The following CTNNA1 variants were observed in gnomAD, a reference collection of about 807,000 sequenced individuals.
CTNNA1 encodes the protein catenin alpha 1.
In CTNNA1, 37 loss-of-function variants were observed where a neutral mutation model predicts 98.4. That is an observed-to-expected ratio of 0.38 (90% CI 0.29 to 0.49). The LOEUF is 0.49. Among genes scored for constraint, CTNNA1 ranks in the 20% least tolerant of loss-of-function variants. CTNNA1 has a pLI of 0.95. For synonymous variants in CTNNA1, 404 were observed against 413.2 expected (o/e 0.98, Z 0.27); for missense variants, 761 against 1,147.2 (o/e 0.66, Z 4.86).
intron 7 of CTNNA1, among the ~76,000 whole-genome samples, chr5:138,832,770 T>C (rs1284019453): frequency 6.6e-6 from 1 of 152,226 alleles, no homozygotes; most frequent in African/African-American, 2.4e-5. Flanking sequence ...GGTTTCAGAC[T>C]ATTAAGTTAA....
intron 4 of CTNNA1, among the ~76,000 whole-genome samples, chr5:138,811,434 T>TGA (rs1758774353): frequency 1.2e-5 from 1 of 83,442 alleles, no homozygotes; most frequent in Non-Finnish European, 2.5e-5. Flanking sequence ...CTTTCCAGAC[T>TGA]GGGCAGCCAG....
intron 9 of CTNNA1, among the ~76,000 whole-genome samples, chr5:138,892,105 C>T (rs1256104738): frequency 2.6e-5 from 4 of 152,134 alleles, no homozygotes; most frequent in Admixed American, 1.3e-4. Flanking sequence ...ATTGATGTCT[C>T]ATGATTCCCT....
intron 3 of CTNNA1, among the ~76,000 whole-genome samples, chr5:138,784,610 TC>T (rs1237366023): frequency 1.3e-5 from 2 of 152,354 alleles, no homozygotes; most frequent in Non-Finnish European, 2.9e-5. Context: ...TCCTAGGGCT[TC>T]TATAACATAA....
At chr5:138,843,986 A>G (rs1455800499) in intron 7 of CTNNA1, among the ~76,000 whole-genome samples, 1 of 152,132 alleles carries the variant, frequency 6.6e-6, no homozygotes, top group Non-Finnish European at 1.5e-5. Flanking sequence ...ATCATTGCCT[A>G]TTCATCTAGG....
chr5:138,810,958 C>T (rs1581110288), intron 4 of CTNNA1, among the ~76,000 whole-genome samples: 2 of 141,558 alleles, frequency 1.4e-5, no homozygotes, highest in Non-Finnish European at 1.6e-5. Context: ...GGCAGCTGGC[C>T]GGGCAGGGGG....
chr5:138,906,487 A>G (rs1181482614), intron 10 of CTNNA1, among the ~76,000 whole-genome samples: 2 of 152,198 alleles, frequency 1.3e-5, no homozygotes, highest in Non-Finnish European at 2.9e-5. Flanking sequence ...ATCTGTGGAA[A>G]CAGATGGTAG....
At chr5:138,849,873 G>C (rs779934151) in intron 7 of CTNNA1, among the ~76,000 whole-genome samples, 17 of 151,894 alleles carry the variant, frequency 1.1e-4, no homozygotes, top group Non-Finnish European at 2.2e-4. Context: ...TGGCTTAAAG[G>C]GGTCTAAAAG....
At chr5:138,861,845 A>C (rs1413391695) in intron 7 of CTNNA1, among the ~76,000 whole-genome samples, 1 of 152,200 alleles carries the variant, frequency 6.6e-6, no homozygotes, top group Non-Finnish European at 1.5e-5. Flanking sequence ...TGTAATTTCC[A>C]AATCGTGTAG....
At chr5:138,894,647 A>ATTC (rs1756348428) in intron 9 of CTNNA1, among the ~76,000 whole-genome samples, 1 of 127,374 alleles carries the variant, frequency 7.9e-6, no homozygotes, top group African/African-American at 3.4e-5. Flanking sequence ...CCTCCTGATT[A>ATTC]TGATTATGAT....
intron 4 of CTNNA1, among the ~76,000 whole-genome samples, chr5:138,810,766 G>A (rs1053353440): frequency 2.6e-5 from 4 of 151,926 alleles, no homozygotes; most frequent in African/African-American, 9.7e-5. Flanking sequence ...CCACAAAACC[G>A]CCATTGTCAT....
At chr5:138,782,159 G>A in intron 2 of CTNNA1, 130 bp downstream of exon 2, 1 of 887,394 alleles carries the variant, frequency 1.1e-6, no homozygotes, top group Non-Finnish European at 1.7e-6. Context: ...ACAGTTCTTA[G>A]ATGATTTGAA....
chr5:138,827,939 G>A (rs988746365), intron 7 of CTNNA1: 3 of 546,686 alleles, frequency 5.5e-6, no homozygotes, highest in Non-Finnish European at 9.8e-6. Context: ...ATCATACAGT[G>A]AATACCTAGG....
At chr5:138,797,189 T>C (rs186358856) in intron 3 of CTNNA1, among the ~76,000 whole-genome samples, 18 of 152,334 alleles carry the variant, frequency 1.2e-4, no homozygotes, top group African/African-American at 3.8e-4. Flanking sequence ...TTTATTATCA[T>C]ACACACAAAC....
At chr5:138,840,614 A>AAG (rs990298454) in intron 7 of CTNNA1, among the ~76,000 whole-genome samples, 1 of 152,214 alleles carries the variant, frequency 6.6e-6, no homozygotes, top group African/African-American at 2.4e-5. Flanking sequence ...AAATGTAGCC[A>AAG]ATTAATAGTT....
intron 3 of CTNNA1, among the ~76,000 whole-genome samples, chr5:138,805,809 A>G (rs1003379270): frequency 1.3e-5 from 2 of 151,306 alleles, no homozygotes; most frequent in East Asian, 3.9e-4. Context: ...CTAGATCCTT[A>G]TAATTTGCAG....
At chr5:138,772,630 C>A (rs1315787416) in intron 1 of CTNNA1, among the ~76,000 whole-genome samples, 1 of 152,128 alleles carries the variant, frequency 6.6e-6, no homozygotes, top group Non-Finnish European at 1.5e-5. Flanking sequence ...CAGCAACTTA[C>A]GGGATATAAA....
intron 7 of CTNNA1, chr5:138,868,825 ACTGTTCATTTAAGATT>A (rs1352067367): frequency 1.3e-5 from 2 of 152,192 alleles, no homozygotes. Flanking sequence ...GAATAAAACA[ACTGTTCATTTAAGATT>A]TCTATGTCTG....
intron 7 of CTNNA1, among the ~76,000 whole-genome samples, chr5:138,860,920 C>T (rs1397356051): frequency 6.6e-6 from 1 of 152,020 alleles, no homozygotes; most frequent in Non-Finnish European, 1.5e-5. Flanking sequence ...AGGAGTGTGC[C>T]GAGGATGGTA....
chr5:138,858,952 C>A (rs1764005064), intron 7 of CTNNA1, among the ~76,000 whole-genome samples: 1 of 152,190 alleles, frequency 6.6e-6, no homozygotes, highest in African/African-American at 2.4e-5. Flanking sequence ...TCAGAATTAA[C>A]CCCTGCTTTT....
Sources: allele counts gnomAD v4.1 joint callset (sites outside exome capture counted in the v4.1 genomes callset), GRCh38; gene constraint gnomAD v4.1.1; transcripts MANE v1.5; gene names NCBI Gene and HGNC (gene_info 2026-07-23, HGNC 2026-07-21).